The following DPP10 variants were observed in gnomAD, a reference collection of about 807,000 sequenced individuals.
DPP10 encodes the protein dipeptidyl peptidase like 10.
In DPP10, 33 loss-of-function variants were observed where a neutral mutation model predicts 120.9. That is an observed-to-expected ratio of 0.27 (90% CI 0.21 to 0.37). DPP10 has a LOEUF of 0.37. DPP10 is among the 10% of genes least tolerant of loss of function. The probability of loss-of-function intolerance (pLI) is 1.00; values close to 1 mark genes in which losing one functional copy is unlikely to be tolerated. For synonymous variants in DPP10, 337 were observed against 326.1 expected, an observed-to-expected ratio of 1.03 and a Z score of -0.36; for missense variants, 816 against 942.8, an observed-to-expected ratio of 0.87 and a Z score of 1.76.
chr2:115,194,356 C>G (rs990484343), intron 1 of DPP10, among the ~76,000 whole-genome samples: 1 of 152,114 alleles, frequency 6.6e-6, no homozygotes, highest in African/African-American at 2.4e-5. Flanking sequence ...TCCTGAGTAG[C>G]TGGGATAACA....
chr2:115,297,465 A>G (rs2060935756), intron 1 of DPP10, among the ~76,000 whole-genome samples: 1 of 152,072 alleles, frequency 6.6e-6, no homozygotes, highest in Non-Finnish European at 1.5e-5. Flanking sequence ...TTGAGAATCA[A>G]TATTTGACAT....
intron 5 of DPP10, among the ~76,000 whole-genome samples, chr2:115,574,062 C>G (rs1488296671): frequency 6.6e-6 from 1 of 152,112 alleles, no homozygotes; most frequent in African/African-American, 2.4e-5. Flanking sequence ...ATTCAATCAT[C>G]TGCCATCCAT....
At chr2:115,510,452 T>A (rs1264307319) in intron 4 of DPP10, among the ~76,000 whole-genome samples, 1 of 152,152 alleles carries the variant, frequency 6.6e-6, no homozygotes, top group Admixed American at 6.6e-5. Flanking sequence ...TTCTCAAATG[T>A]CAGCTGACCA....
chr2:114,858,286 G>A (rs956424401), intron 1 of DPP10, among the ~76,000 whole-genome samples: 3 of 152,204 alleles, frequency 2.0e-5, no homozygotes, highest in African/African-American at 4.8e-5. Flanking sequence ...ACTGTGCCCC[G>A]CCGCCGCTTG....
chr2:114,739,479 CA>C (rs1042454653), intron 1 of DPP10, among the ~76,000 whole-genome samples: 4 of 151,990 alleles, frequency 2.6e-5, no homozygotes, highest in African/African-American at 9.7e-5. Flanking sequence ...CCCAACATAG[CA>C]AAACCCCATC....
At chr2:115,405,635 A>G (rs1192069351) in intron 3 of DPP10, among the ~76,000 whole-genome samples, 3 of 152,146 alleles carry the variant, frequency 2.0e-5, no homozygotes, top group Non-Finnish European at 4.4e-5. Context: ...TTTGAAATCT[A>G]GTTGGAGGCT....
At position 114,910,134 on chromosome 2, in the gene DPP10, C is replaced by T. The variant is rs1206430827; in HGVS notation, c.61-399105C>T. Among the ~76,000 whole-genome samples, 13 of 151,484 alleles carry T rather than the reference C, an allele frequency of 8.6e-5. 1 individual carries two copies. On this transcript the variant is annotated intron_variant, in intron 1 of 25. Transcript: ENST00000410059. ...GGCTTTAGGCACTTAGGCCTTCCTG[C>T]ATAAATAAATAAATAAGATAAATAA...
intron 5 of DPP10, among the ~76,000 whole-genome samples, chr2:115,631,627 T>C (rs984017878): frequency 6.6e-6 from 1 of 152,194 alleles, no homozygotes; most frequent in Non-Finnish European, 1.5e-5. Context: ...TTCTCATTGG[T>C]TTCAAAGAAC....
intron 1 of DPP10, among the ~76,000 whole-genome samples, chr2:115,181,530 T>C (rs890290425): frequency 2.2e-4 from 34 of 152,174 alleles, no homozygotes; most frequent in African/African-American, 6.5e-4. Flanking sequence ...AGTTTGAACT[T>C]CTTCATAGCA....
intron 5 of DPP10, among the ~76,000 whole-genome samples, chr2:115,602,683 G>A (rs1006222170): frequency 6.6e-6 from 1 of 152,098 alleles, no homozygotes; most frequent in African/African-American, 2.4e-5. Flanking sequence ...CTGTTTGCAA[G>A]GTGACATTTC....
chr2:115,612,820 A>T (rs1021258032), intron 5 of DPP10, among the ~76,000 whole-genome samples: 2 of 151,964 alleles, frequency 1.3e-5, no homozygotes, highest in African/African-American at 4.8e-5. Context: ...AGAGTGGTAT[A>T]TTTAGCTCCG....
chr2:115,665,577 T>C (rs2089385164), intron 5 of DPP10, among the ~76,000 whole-genome samples: 1 of 152,208 alleles, frequency 6.6e-6, no homozygotes, highest in Admixed American at 6.6e-5. Flanking sequence ...TGTTAGTGTT[T>C]CAATGGATTG....
intron 1 of DPP10, among the ~76,000 whole-genome samples, chr2:114,915,446 A>G (rs982709901): frequency 3.9e-5 from 6 of 152,236 alleles, no homozygotes; most frequent in African/African-American, 1.4e-4. Flanking sequence ...CATCAGGCAT[A>G]AAATGAATAA....
Position 115,844,923 on chromosome 2 carries a change from C to CT in DPP10, c.*2581dup, listed in dbSNP as rs1188727001. ...GAGACTAAGCAGGCTATTCTCATCT[C>CT]TTTGAGTTTCCTGACAGAACTAAAG... On this transcript the variant is annotated 3_prime_UTR_variant, in exon 26 of 26. Transcript: ENST00000410059. The CT allele has an allele frequency of 1.3e-5, 2 of 152,174 alleles. No homozygotes were observed. The highest frequency in any genetic ancestry group is 2.9e-5 in the Non-Finnish European group (2 of 68,030). 9.4% of individuals were successfully genotyped at this position (152,174 alleles called of 1,614,324 possible).
chr2:115,097,930 C>T (rs10167935), intron 1 of DPP10, among the ~76,000 whole-genome samples: 69,244 of 151,922 alleles, frequency 0.46, 16,030 homozygotes, highest in East Asian at 0.67. Flanking sequence ...ATGTAGGAAG[C>T]TTACTGGAAA....
chr2:114,598,086 G>T (rs1373245572), intron 1 of DPP10, among the ~76,000 whole-genome samples: 2 of 151,884 alleles, frequency 1.3e-5, no homozygotes, highest in African/African-American at 4.8e-5. Context: ...ACATTTCCTA[G>T]TTGGAAGAAA....
chr2:115,684,027 G>C (rs953613338), intron 5 of DPP10, among the ~76,000 whole-genome samples: 1 of 151,522 alleles, frequency 6.6e-6, no homozygotes, highest in Non-Finnish European at 1.5e-5. Flanking sequence ...ATCCTTTTAA[G>C]GTTATAAATC....
rs533108590 is a variant in DPP10, at chr2:115,252,702, A to G, written c.61-56537A>G. 4.6e-5 allele frequency among the ~76,000 whole-genome samples: 7 copies of G among 152,336 alleles called. No homozygotes were observed. The South Asian group carries it at 1.0e-3, about 23-fold the overall frequency. ...TTATTTTAAACTTAGCAATAGGGTA[A>G]GGACTGCCAGATATTTCTTTATGTA... On this transcript the variant is annotated intron_variant, in intron 1 of 25. Coordinates refer to ENST00000410059, the MANE Select transcript of DPP10 (RefSeq NM_020868.6).
intron 1 of DPP10, among the ~76,000 whole-genome samples, chr2:114,693,996 A>C (rs1699921606): frequency 6.6e-6 from 1 of 151,954 alleles, no homozygotes; most frequent in Non-Finnish European, 1.5e-5. Flanking sequence ...ATTCTAAAAT[A>C]AGGACCAATA....
Sources: allele counts gnomAD v4.1 joint callset (sites outside exome capture counted in the v4.1 genomes callset), GRCh38; gene constraint gnomAD v4.1.1; transcripts MANE v1.5; gene names NCBI Gene and HGNC (gene_info 2026-07-23, HGNC 2026-07-21).